The following GPC5 variants were observed in gnomAD, a reference collection of about 807,000 sequenced individuals.
GPC5 encodes the protein glypican 5.
In GPC5, 47 loss-of-function variants were observed where a neutral mutation model predicts 53.9. The ratio of observed to expected loss-of-function variants is 0.87; its 90% CI spans 0.69 to 1.11. The LOEUF (loss-of-function observed/expected upper bound fraction) is 1.11. Ranked by LOEUF, GPC5 falls within the 50% of genes most tolerant of loss-of-function variation. The probability of loss-of-function intolerance (pLI) is 0.00; values close to 1 mark genes in which losing one functional copy is unlikely to be tolerated. For missense variants in GPC5, 748 were observed against 713.1 expected, an observed-to-expected ratio of 1.05 and a Z score of -0.56; for synonymous variants, 286 against 263.3, an observed-to-expected ratio of 1.09 and a Z score of -0.84.
chr13:92,571,501 A>G (rs1883020905), intron 7 of GPC5, among the ~76,000 whole-genome samples: 1 of 152,148 alleles, frequency 6.6e-6, no homozygotes, highest in Non-Finnish European at 1.5e-5. Flanking sequence ...ATATTTCCCA[A>G]TAACCAGATT....
intron 7 of GPC5, among the ~76,000 whole-genome samples, chr13:92,463,361 G>T (rs190964641): frequency 7.4e-4 from 112 of 152,252 alleles, no homozygotes; most frequent in Admixed American, 3.9e-3. Context: ...ATCTGTCACC[G>T]TCTAACTCTA....
Position 92,618,043 on chromosome 13 carries a change from G to A in GPC5, c.1562-248239G>A, listed in dbSNP as rs1421356596. ...CTTAAGTACTCTTTCTATGGTAATT[G>A]CCATATGAAATTAATAAAAACTTGT... On this transcript the variant is annotated intron_variant, in intron 7 of 7. Transcript: ENST00000377067. Among the ~76,000 whole-genome samples the A allele has an allele frequency of 3.2e-4, 48 of 152,204 alleles. 1 individual carries two copies. The highest frequency in any genetic ancestry group is 4.3e-4 in the Non-Finnish European group (29 of 68,008).
At chr13:92,759,101 G>T (rs764009485) in intron 7 of GPC5, among the ~76,000 whole-genome samples, 6 of 141,696 alleles carry the variant, frequency 4.2e-5, no homozygotes, top group Non-Finnish European at 6.0e-5. Flanking sequence ...CTGGTCCACT[G>T]GTCTGTTTGT....
chr13:92,832,589 G>A (rs879410904), intron 7 of GPC5, among the ~76,000 whole-genome samples: 1 of 152,174 alleles, frequency 6.6e-6, no homozygotes, highest in Non-Finnish European at 1.5e-5. Flanking sequence ...GCTTAGTGCA[G>A]TTAAGAAGTC....
chr13:92,387,090 G>T (rs550558434), intron 7 of GPC5, among the ~76,000 whole-genome samples: 3 of 152,010 alleles, frequency 2.0e-5, no homozygotes, highest in Non-Finnish European at 4.4e-5. Context: ...CTATACAGAT[G>T]GTCCCCAACT....
chr13:92,642,412 T>A (rs1180297583), intron 7 of GPC5, among the ~76,000 whole-genome samples: 1 of 152,216 alleles, frequency 6.6e-6, no homozygotes, highest in Non-Finnish European at 1.5e-5. Flanking sequence ...CAAAGCAGAA[T>A]TAATCCTACC....
At chr13:92,121,782 G>A (rs2041651502) in intron 6 of GPC5, among the ~76,000 whole-genome samples, 1 of 152,104 alleles carries the variant, frequency 6.6e-6, no homozygotes, top group Admixed American at 6.5e-5. Context: ...CTCATTCACA[G>A]GATATTCATG....
intron 6 of GPC5, among the ~76,000 whole-genome samples, chr13:92,020,870 G>A (rs1476655329): frequency 2.6e-5 from 4 of 151,772 alleles, no homozygotes; most frequent in African/African-American, 9.7e-5. Flanking sequence ...TGTTTCTGTT[G>A]CCTATGTTTT....
intron 2 of GPC5, among the ~76,000 whole-genome samples, chr13:91,536,445 C>G (rs1041602451): frequency 6.6e-6 from 1 of 152,108 alleles, no homozygotes; most frequent in Admixed American, 6.6e-5. Flanking sequence ...AAGTCTTATT[C>G]CCCAATAATT....
chr13:92,535,896 C>A (rs1341815700), intron 7 of GPC5, among the ~76,000 whole-genome samples: 1 of 152,032 alleles, frequency 6.6e-6, no homozygotes, highest in Non-Finnish European at 1.5e-5. Flanking sequence ...GTAGTGTGAG[C>A]ATTGATAATC....
At chr13:92,821,434 G>A (rs973337908) in intron 7 of GPC5, among the ~76,000 whole-genome samples, 7 of 152,042 alleles carry the variant, frequency 4.6e-5, no homozygotes, top group African/African-American at 1.5e-4. Context: ...CGAGGAGTTG[G>A]AAATGGTCTC....
At chr13:91,513,703 T>C (rs1885353382) in intron 2 of GPC5, among the ~76,000 whole-genome samples, 1 of 152,202 alleles carries the variant, frequency 6.6e-6, no homozygotes, top group East Asian at 1.9e-4. Context: ...ATCACATTGC[T>C]GCACTCCAGC....
intron 6 of GPC5, among the ~76,000 whole-genome samples, chr13:92,053,770 C>T (rs1026198916): frequency 4.0e-5 from 6 of 151,890 alleles, no homozygotes; most frequent in African/African-American, 1.5e-4. Context: ...GTGGTTTACA[C>T]CTGTAATCCA....
At chr13:92,257,323 T>C (rs1594042501) in intron 7 of GPC5, among the ~76,000 whole-genome samples, 2 of 152,086 alleles carry the variant, frequency 1.3e-5, no homozygotes, top group South Asian at 4.1e-4. Flanking sequence ...TGGAGCTGTT[T>C]TGCTGTTTAA....
At chr13:92,246,368 T>C (rs1015604598) in intron 7 of GPC5, among the ~76,000 whole-genome samples, 6 of 152,152 alleles carry the variant, frequency 3.9e-5, no homozygotes, top group African/African-American at 1.2e-4. Context: ...TATGATAATA[T>C]GTCTACTTAT....
chr13:91,865,584 A>G (rs953411266), intron 5 of GPC5, among the ~76,000 whole-genome samples: 4 of 152,144 alleles, frequency 2.6e-5, no homozygotes, highest in African/African-American at 7.2e-5. Context: ...ACCTCACTAC[A>G]CTAACGTCAC....
chr13:92,836,643 T>C (rs371094574), intron 7 of GPC5, among the ~76,000 whole-genome samples: 1 of 152,090 alleles, frequency 6.6e-6, no homozygotes, highest in Admixed American at 6.5e-5. Context: ...ATTTCCCTAA[T>C]GATATTTTTG....
intron 6 of GPC5, among the ~76,000 whole-genome samples, chr13:91,931,147 C>G (rs927639083): frequency 5.9e-5 from 9 of 151,946 alleles, no homozygotes; most frequent in African/African-American, 1.9e-4. Flanking sequence ...ATCATTCTTT[C>G]TGTTAAAACT....
chr13:91,764,134 G>C (rs963873258), intron 5 of GPC5, among the ~76,000 whole-genome samples: 1 of 152,156 alleles, frequency 6.6e-6, no homozygotes, highest in African/African-American at 2.4e-5. Context: ...AGGGCCAACT[G>C]TAATACAGGA....
Sources: allele counts gnomAD v4.1 joint callset (sites outside exome capture counted in the v4.1 genomes callset), GRCh38; gene constraint gnomAD v4.1.1; transcripts MANE v1.5; gene names NCBI Gene and HGNC (gene_info 2026-07-23, HGNC 2026-07-21).